UST: variants seen among roughly 807,000 people sequenced by gnomAD.
The protein encoded by UST is chondroitin sulfate 2-O-sulfotransferase.
Under a neutral mutation model 45.6 loss-of-function variants are expected in UST, and 21 were observed. That is an observed-to-expected ratio of 0.46 (90% CI 0.33 to 0.66). The LOEUF is 0.66. Among genes scored for constraint, UST ranks in the 30% least tolerant of loss-of-function variants. The pLI is 0.02. For missense variants in UST, 463 were observed against 512.4 expected, an observed-to-expected ratio of 0.90 and a Z score of 0.93; for synonymous variants, 215 against 200.6, an observed-to-expected ratio of 1.07 and a Z score of -0.61.
chr6:148,816,025 T>C (rs948903175), intron 1 of UST, among the ~76,000 whole-genome samples: 2 of 152,190 alleles, frequency 1.3e-5, no homozygotes, highest in African/African-American at 4.8e-5. Flanking sequence ...ATAAACTCTT[T>C]AAGGGAGATT....
At chr6:148,874,790 A>G (rs748774277) in intron 1 of UST, among the ~76,000 whole-genome samples, 2 of 152,250 alleles carry the variant, frequency 1.3e-5, no homozygotes, top group Non-Finnish European at 2.9e-5. Flanking sequence ...CAAATTCCTC[A>G]TTGTTAGCAA....
intron 5 of UST, among the ~76,000 whole-genome samples, chr6:148,986,390 A>G (rs1022492490): frequency 1.3e-5 from 2 of 152,226 alleles, no homozygotes; most frequent in Non-Finnish European, 1.5e-5. Context: ...ACCACTAGTA[A>G]GTAATAGAGC....
intron 5 of UST, among the ~76,000 whole-genome samples, chr6:148,991,079 A>C (rs986574639): frequency 6.6e-6 from 1 of 152,206 alleles, no homozygotes; most frequent in Non-Finnish European, 1.5e-5. Flanking sequence ...GGTGACCGAA[A>C]GCTAAGAAAA....
intron 3 of UST, among the ~76,000 whole-genome samples, chr6:148,942,570 T>C (rs1446312541): frequency 2.6e-5 from 4 of 151,970 alleles, no homozygotes. Context: ...AAATAAATAA[T>C]AAATAAGTAA....
chr6:148,995,270 G>A (rs565283713), intron 5 of UST, among the ~76,000 whole-genome samples: 21 of 152,262 alleles, frequency 1.4e-4, no homozygotes, highest in African/African-American at 4.6e-4. Context: ...TGATCCGCCC[G>A]CCTCGGCCTC....
chr6:148,880,365 A>C (rs989132473), intron 1 of UST, among the ~76,000 whole-genome samples: 4 of 152,228 alleles, frequency 2.6e-5, no homozygotes, highest in African/African-American at 7.2e-5. Flanking sequence ...TACAGTAAAC[A>C]GTGATCTTCA....
chr6:149,073,758 A>C (rs942114094), intron 7 of UST, 75 bp from the exon 8 acceptor site: 3 of 1,541,126 alleles, frequency 1.9e-6, no homozygotes, highest in African/African-American at 1.4e-5. Context: ...TTGTACAGGT[A>C]ATGTGGGTCC....
intron 1 of UST, among the ~76,000 whole-genome samples, chr6:148,849,999 G>T (rs1778073796): frequency 1.3e-5 from 2 of 152,094 alleles, no homozygotes; most frequent in Admixed American, 1.3e-4. Context: ...GTTCTATGTG[G>T]TATATGTGTG....
intron 7 of UST, among the ~76,000 whole-genome samples, chr6:149,068,422 G>A (rs527776922): frequency 2.0e-5 from 3 of 152,264 alleles, no homozygotes; most frequent in South Asian, 4.1e-4. Context: ...ATGATTGTGT[G>A]TACAAGTGCT....
At position 148,894,177 on chromosome 6, in the gene UST, C is replaced by T. The variant is rs73778943; in HGVS notation, c.291+7148C>T. On this transcript the variant is annotated intron_variant, in intron 2 of 7. Transcript: ENST00000367463. ...TGATAGGCAGTGGAGTCCATGTCTA[C>T]GTAATTGTGTAGTAGGAAAGGAATG... is the stretch of plus-strand genomic sequence containing the variant. Among the ~76,000 whole-genome samples, 1,306 of 152,168 alleles carry T rather than the reference C, an allele frequency of 8.6e-3. 20 individuals carry two copies. The highest frequency in any genetic ancestry group is 0.03 in the African/African-American group (1,254 of 41,498).
chr6:148,862,681 A>C (rs1440609833), intron 1 of UST, among the ~76,000 whole-genome samples: 1 of 152,164 alleles, frequency 6.6e-6, no homozygotes, highest in Non-Finnish European at 1.5e-5. Flanking sequence ...GAGCTCTTTT[A>C]GGGCAGGCCT....
At chr6:148,780,485 G>T (rs1413651384) in intron 1 of UST, among the ~76,000 whole-genome samples, 1 of 152,044 alleles carries the variant, frequency 6.6e-6, no homozygotes, top group African/African-American at 2.4e-5. Flanking sequence ...TCCCCTCTTT[G>T]TGTCCATGTG....
At chr6:149,038,338 T>G (rs1445595223) in intron 7 of UST, among the ~76,000 whole-genome samples, 6 of 148,932 alleles carry the variant, frequency 4.0e-5, no homozygotes. Context: ...GAGGTCATAC[T>G]AGATTAGGGT....
At chr6:148,837,551 C>T (rs1562272858) in intron 1 of UST, among the ~76,000 whole-genome samples, 1 of 152,182 alleles carries the variant, frequency 6.6e-6, no homozygotes, top group Non-Finnish European at 1.5e-5. Flanking sequence ...TAGCATTGAA[C>T]TCATTGTTGC....
At chr6:148,967,226 G>T (rs368088290) in intron 5 of UST, among the ~76,000 whole-genome samples, 2 of 152,180 alleles carry the variant, frequency 1.3e-5, no homozygotes, top group East Asian at 1.9e-4. Flanking sequence ...CACTGTGTTC[G>T]GGAAGGGTCT....
intron 5 of UST, among the ~76,000 whole-genome samples, chr6:148,982,796 G>A (rs1226465666): frequency 6.6e-6 from 1 of 152,184 alleles, no homozygotes; most frequent in East Asian, 1.9e-4. Context: ...GTAAAATGTT[G>A]TCATTAGTCC....
chr6:148,928,393 CTCTT>C (rs1188735629), intron 2 of UST, among the ~76,000 whole-genome samples: 3 of 152,332 alleles, frequency 2.0e-5, no homozygotes, highest in South Asian at 4.1e-4. Context: ...TTCTCTTTTC[CTCTT>C]TCTATCAGAT....
In UST at chr6:148,948,073, C is replaced by T. The variant is rs368575145; in HGVS notation, c.448-5799C>T. ...TCATGTCATTGCTCCCCCTGGTGGACTTCTTCTTCATTGCAGGCGTGTGTT... is the reference window on the plus strand; with the variant it reads ...TCATGTCATTGCTCCCCCTGGTGGATTTCTTCTTCATTGCAGGCGTGTGTT... On this transcript the variant is annotated intron_variant, in intron 3 of 7. Transcript: ENST00000367463. Among the ~76,000 whole-genome samples the T allele has an allele frequency of 1.1e-3, 160 of 152,298 alleles. 7 individuals carry two copies. The South Asian group carries it at 0.029, about 28-fold the overall frequency.
chr6:149,004,158 A>G (rs1447308321), intron 5 of UST, among the ~76,000 whole-genome samples: 1 of 152,212 alleles, frequency 6.6e-6, no homozygotes, highest in Non-Finnish European at 1.5e-5. Flanking sequence ...ATTTAATGCT[A>G]TTGTACACAC....
Sources: allele counts gnomAD v4.1 joint callset (sites outside exome capture counted in the v4.1 genomes callset), GRCh38; gene constraint gnomAD v4.1.1; transcripts MANE v1.5; gene names NCBI Gene and HGNC (gene_info 2026-07-23, HGNC 2026-07-21).